CDC14B: variants seen among roughly 807,000 people sequenced by gnomAD.
CDC14B encodes cell division cycle 14B.
CDC14B carries 22 observed loss-of-function variants against 64.2 expected under a neutral mutation model. That is an observed-to-expected ratio of 0.34 (90% confidence interval 0.24 to 0.49). The LOEUF (loss-of-function observed/expected upper bound fraction) is 0.49. Ranked by LOEUF, CDC14B falls within the 20% of genes least tolerant of loss-of-function variation. The pLI is 0.99. For synonymous variants in CDC14B, 191 were observed against 215.8 expected (o/e 0.89, Z 1.01); for missense variants, 498 against 629.9 (o/e 0.79, Z 2.24).
intron 1 of CDC14B, among the ~76,000 whole-genome samples, chr9:96,580,511 G>A (rs1301226666): frequency 3.3e-5 from 5 of 152,108 alleles, no homozygotes; most frequent in African/African-American, 7.2e-5. Flanking sequence ...GATTACAGGC[G>A]CGAGCCACTG....
intron 1 of CDC14B, among the ~76,000 whole-genome samples, chr9:96,572,154 C>A (rs115034536): frequency 0.01 from 1,564 of 152,222 alleles, 21 homozygotes; most frequent in African/African-American, 0.035. Context: ...GCATTTGGGA[C>A]CCTTCCAGAC....
At chr9:96,594,878 C>G (rs780772183) in intron 1 of CDC14B, among the ~76,000 whole-genome samples, 3 of 152,032 alleles carry the variant, frequency 2.0e-5, no homozygotes, top group Non-Finnish European at 2.9e-5. Context: ...CTTGGCTGGG[C>G]GCGGTGGCTC....
chr9:96,609,568 T>C (rs938672811), intron 1 of CDC14B, among the ~76,000 whole-genome samples: 2 of 152,196 alleles, frequency 1.3e-5, no homozygotes, highest in Non-Finnish European at 2.9e-5. Flanking sequence ...GCACCATTCA[T>C]ATAAATATAG....
At chr9:96,533,262 C>A (rs1838772597) in intron 9 of CDC14B, among the ~76,000 whole-genome samples, 1 of 152,244 alleles carries the variant, frequency 6.6e-6, no homozygotes, top group African/African-American at 2.4e-5. Context: ...AGCCACCATG[C>A]CCGGCCTGGA....
At chr9:96,526,194 T>C (rs1158204979) in intron 9 of CDC14B, among the ~76,000 whole-genome samples, 8 of 152,186 alleles carry the variant, frequency 5.3e-5, no homozygotes, top group South Asian at 2.1e-4. Flanking sequence ...AGTGAAACCC[T>C]GTCTCTACTA....
intron 1 of CDC14B, among the ~76,000 whole-genome samples, chr9:96,616,653 G>A (rs1847647579): frequency 6.6e-6 from 1 of 152,018 alleles, no homozygotes; most frequent in African/African-American, 2.4e-5. Flanking sequence ...GAACCCGGGA[G>A]GCAGAGGTTG....
chr9:96,558,153 C>T (rs1056409631), intron 4 of CDC14B, among the ~76,000 whole-genome samples: 8 of 152,038 alleles, frequency 5.3e-5, no homozygotes, highest in South Asian at 2.1e-4. Flanking sequence ...CTGGGAAGGG[C>T]GTGTGTGGTC....
At chr9:96,607,768 G>A (rs1847066544) in intron 1 of CDC14B, among the ~76,000 whole-genome samples, 1 of 152,178 alleles carries the variant, frequency 6.6e-6, no homozygotes, top group South Asian at 2.1e-4. Flanking sequence ...CACGAGCAAT[G>A]TGGGACGGGT....
downstream of CDC14B, among the ~76,000 whole-genome samples, chr9:96,495,625 C>G (rs929225097): frequency 2.0e-5 from 3 of 152,168 alleles, no homozygotes; most frequent in African/African-American, 7.2e-5. Context: ...GAGGATAGAG[C>G]TGGAGCCAGC....
chr9:96,602,212 T>G (rs1325781252), intron 1 of CDC14B, among the ~76,000 whole-genome samples: 1 of 152,180 alleles, frequency 6.6e-6, no homozygotes, highest in Non-Finnish European at 1.5e-5. Context: ...TAAATGTTAA[T>G]TCCAGACCTT....
chr9:96,549,802 G>T (rs1210967096), intron 5 of CDC14B, among the ~76,000 whole-genome samples: 2 of 152,196 alleles, frequency 1.3e-5, no homozygotes, highest in Non-Finnish European at 2.9e-5. Flanking sequence ...ATGCTCCTGG[G>T]ACCAAAAGGA....
chr9:96,562,933 T>C, intron 3 of CDC14B, 148 bp from the exon 4 acceptor site: 1 of 621,548 alleles, frequency 1.6e-6, no homozygotes, highest in Non-Finnish European at 2.9e-6. Flanking sequence ...TACCCACAAA[T>C]ACCATATATC....
chr9:96,600,083 G>A (rs1846334620), intron 1 of CDC14B, among the ~76,000 whole-genome samples: 1 of 151,478 alleles, frequency 6.6e-6, no homozygotes, highest in African/African-American at 2.4e-5. Context: ...AAAATAAAAA[G>A]GGTAAAATAA....
chr9:96,533,782 T>C (rs1234854760), intron 9 of CDC14B, 145 bp downstream of exon 9: 2 of 557,792 alleles, frequency 3.6e-6, no homozygotes, highest in Non-Finnish European at 6.4e-6. Flanking sequence ...TACTATACTT[T>C]TCATCTGAAA....
intron 5 of CDC14B, among the ~76,000 whole-genome samples, chr9:96,544,148 C>T (rs559512393): frequency 2.0e-5 from 3 of 152,044 alleles, no homozygotes; most frequent in African/African-American, 7.2e-5. Flanking sequence ...ACCTGGGAGG[C>T]AGAGGTTGCA....
chr9:96,538,256 G>A (rs781776705), intron 7 of CDC14B, among the ~76,000 whole-genome samples: 4 of 152,046 alleles, frequency 2.6e-5, no homozygotes, highest in East Asian at 3.9e-4. Context: ...AAGAACACAC[G>A]GGGCACACTC....
chr9:96,543,017 A>G (rs918341685), intron 5 of CDC14B, among the ~76,000 whole-genome samples: 2 of 150,926 alleles, frequency 1.3e-5, no homozygotes, highest in Admixed American at 6.6e-5. Context: ...CAAAAAACAA[A>G]AAACAAAAAA....
intron 13 of CDC14B, among the ~76,000 whole-genome samples, chr9:96,508,291 C>G (rs916894784): frequency 3.3e-5 from 5 of 152,190 alleles, no homozygotes; most frequent in African/African-American, 4.8e-5. Context: ...GCTGGGATTA[C>G]AGGCGCGAGC....
At chr9:96,610,605 C>A in intron 1 of CDC14B, among the ~76,000 whole-genome samples, 1 of 151,286 alleles carries the variant, frequency 6.6e-6, no homozygotes, top group Non-Finnish European at 1.5e-5. Flanking sequence ...GGATATAAAT[C>A]TGTCTATTAG....
Sources: allele counts gnomAD v4.1 joint callset (sites outside exome capture counted in the v4.1 genomes callset), GRCh38; gene constraint gnomAD v4.1.1; transcripts MANE v1.5; gene names NCBI Gene and HGNC (gene_info 2026-07-23, HGNC 2026-07-21).